ANO3: variants seen among roughly 807,000 people sequenced by gnomAD.
ANO3 encodes the protein anoctamin 3.
ANO3 carries 99 observed loss-of-function variants against 144.8 expected under a neutral mutation model. The observed-to-expected ratio is 0.68, with a 90% CI of 0.58 to 0.81. The LOEUF (loss-of-function observed/expected upper bound fraction) is 0.81, where lower values mean the gene tolerates loss of function less well. Ranked by LOEUF, ANO3 falls within the 30% of genes least tolerant of loss-of-function variation. The pLI is 0.00. For missense variants in ANO3, 905 were observed against 1,202.2 expected (o/e 0.75, Z 3.66); for synonymous variants, 414 against 392.6 (o/e 1.05, Z -0.64).
chr11:26,576,214 G>A (rs948300841), intron 14 of ANO3, among the ~76,000 whole-genome samples: 43 of 152,102 alleles, frequency 2.8e-4, no homozygotes, highest in Admixed American at 2.6e-3. Flanking sequence ...CATAACCTTG[G>A]ATAATTGCCA....
chr11:26,397,082 C>T (rs1156566077), intron 1 of ANO3, among the ~76,000 whole-genome samples: 2 of 151,968 alleles, frequency 1.3e-5, no homozygotes, highest in African/African-American at 4.8e-5. Flanking sequence ...TTCTTATTCT[C>T]CTCAGTTCAT....
chr11:26,215,005 C>A (rs1391963839), intron 1 of ANO3, among the ~76,000 whole-genome samples: 2 of 151,726 alleles, frequency 1.3e-5, no homozygotes, highest in African/African-American at 2.4e-5. Context: ...TTGGAAAGAC[C>A]ACAGAAATAA....
At chr11:26,391,146 G>T (rs1163819171) in intron 1 of ANO3, among the ~76,000 whole-genome samples, 7 of 152,018 alleles carry the variant, frequency 4.6e-5, no homozygotes, top group African/African-American at 1.7e-4. Flanking sequence ...CTGAAGACTA[G>T]GAAGTCCAAG....
intron 14 of ANO3, among the ~76,000 whole-genome samples, chr11:26,591,958 A>G (rs542211734): frequency 6.4e-4 from 98 of 152,274 alleles, no homozygotes; most frequent in African/African-American, 2.3e-3. Context: ...CCCAGGATGT[A>G]TCTAGGGATG....
intron 1 of ANO3, among the ~76,000 whole-genome samples, chr11:26,325,502 A>C (rs942728083): frequency 6.6e-6 from 1 of 152,194 alleles, no homozygotes; most frequent in Non-Finnish European, 1.5e-5. Context: ...ACTTTAATGA[A>C]TCTAAAGACT....
In ANO3 at chr11:26,385,816, CACACACA is replaced by C. The variant is rs1564995606; in HGVS notation, c.46+53496_46+53502del. ...CAATTTGAGTGTGATGTCCAAGTTT[CACACACA>C]TACACACACACACACACACACACAC... On this transcript the variant is annotated intron_variant, in intron 1 of 26. Transcript: ENST00000256737. Among the ~76,000 whole-genome samples the C allele has an allele frequency of 5.4e-5, 6 of 111,960 alleles. No individual in the cohort carries two copies. The East Asian group carries it at 1.6e-3, about 30-fold the overall frequency. 73.5% of individuals were successfully genotyped at this position (111,960 alleles called of 152,430 possible).
intron 6 of ANO3, among the ~76,000 whole-genome samples, chr11:26,525,153 G>A (rs954236750): frequency 6.6e-6 from 1 of 151,978 alleles, no homozygotes; most frequent in African/African-American, 2.4e-5. Context: ...GCTTCTTGAG[G>A]GCACAAACTG....
In ANO3 at chr11:26,547,695, T is replaced by A. The variant is rs1590504310; in HGVS notation, c.1289+145T>A. 8 of 777,328 alleles carry A rather than the reference T, an allele frequency of 1.0e-5. No individual in the cohort carries two copies. The East Asian group carries it at 2.1e-4, about 21-fold the overall frequency. 48.2% of individuals were successfully genotyped at this position (777,328 alleles called of 1,614,324 possible). A position where few individuals can be genotyped will look rare whatever the true frequency, so the allele number is the denominator to read the frequency against. On this transcript the variant is annotated intron_variant, in intron 12 of 26. Transcript: ENST00000256737. ...GCTATTTCTGTTTTTTGGCTTTTGT[T>A]TTTGGTAGGAAGAGAACACAATTAT... is the stretch of plus-strand genomic sequence containing the variant.
At chr11:26,478,802 C>G (rs995502765) in intron 4 of ANO3, among the ~76,000 whole-genome samples, 1 of 152,070 alleles carries the variant, frequency 6.6e-6, no homozygotes, top group Non-Finnish European at 1.5e-5. Context: ...AACTAGGGGT[C>G]TCTTCTCAGA....
chr11:26,533,090 G>T (rs1849414426), intron 8 of ANO3, among the ~76,000 whole-genome samples: 1 of 152,126 alleles, frequency 6.6e-6, no homozygotes. Flanking sequence ...AATACTGGAG[G>T]AATTCAGAGT....
rs118054884 is a variant in ANO3, at chr11:26,576,200, G to A, written c.1447+16421G>A. ...TGAATCCTGGTTTTGCCACTTAATG[G>A]TTTCATAACCTTGGATAATTGCCAT... On this transcript the variant is annotated intron_variant, in intron 14 of 26. Coordinates refer to ENST00000256737, the MANE Select transcript of ANO3 (RefSeq NM_031418.4). Among the ~76,000 whole-genome samples, 266 of 152,108 alleles carry A rather than the reference G, an allele frequency of 1.7e-3. 7 individuals carry two copies. In the East Asian group the frequency reaches 0.048, roughly 28 times the overall value.
intron 1 of ANO3, among the ~76,000 whole-genome samples, chr11:26,387,293 A>C (rs750986916): frequency 4.6e-5 from 7 of 151,718 alleles, no homozygotes; most frequent in Non-Finnish European, 1.0e-4. Flanking sequence ...GTATTGATGA[A>C]GGTGATAAAA....
intron 5 of ANO3, among the ~76,000 whole-genome samples, chr11:26,510,726 G>A (rs1404663091): frequency 6.6e-6 from 1 of 152,182 alleles, no homozygotes; most frequent in African/African-American, 2.4e-5. Context: ...CATGAAATCT[G>A]TATATTCATA....
At chr11:26,534,610 T>C (rs539297002) in intron 9 of ANO3, 48 bp downstream of exon 9, 2 of 1,312,268 alleles carry the variant, frequency 1.5e-6, no homozygotes, top group Admixed American at 1.8e-5. Flanking sequence ...TTACTATTTA[T>C]ACCCAGAATT....
intron 1 of ANO3, chr11:26,285,713 C>G (rs199610859): frequency 1.6e-4 from 25 of 152,208 alleles, no homozygotes; most frequent in African/African-American, 5.8e-4. Context: ...CGTATGTAAT[C>G]ATTCCAATTA....
At chr11:26,326,287 C>A (rs1259446906) in intron 1 of ANO3, among the ~76,000 whole-genome samples, 1 of 151,882 alleles carries the variant, frequency 6.6e-6, no homozygotes, top group Non-Finnish European at 1.5e-5. Context: ...AAAGGCAACC[C>A]AGAACATAAA....
At chr11:26,295,664 A>T (rs1476187028) in intron 1 of ANO3, among the ~76,000 whole-genome samples, 1 of 152,206 alleles carries the variant, frequency 6.6e-6, no homozygotes, top group Non-Finnish European at 1.5e-5. Flanking sequence ...ATTTCTAGAA[A>T]AGTTCAGATG....
At chr11:26,652,071 T>C (rs956749519) in intron 24 of ANO3, among the ~76,000 whole-genome samples, 1 of 152,186 alleles carries the variant, frequency 6.6e-6, no homozygotes, top group Non-Finnish European at 1.5e-5. Context: ...ATTCACTTTG[T>C]TACGGAATTG....
chr11:26,391,679 G>C (rs375314766), intron 1 of ANO3, among the ~76,000 whole-genome samples: 1 of 152,066 alleles, frequency 6.6e-6, no homozygotes, highest in East Asian at 1.9e-4. Flanking sequence ...TTTGCAGATG[G>C]TAATACATTC....
Sources: gnomAD v4.1 joint callset for allele counts (sites outside exome capture counted in the v4.1 genomes callset) on GRCh38, gnomAD v4.1.1 for gene constraint, MANE v1.5 for transcripts, NCBI Gene and HGNC (gene_info 2026-07-23, HGNC 2026-07-21) for gene names.